Variants in ZDHHC14 observed in about 807,000 individuals in gnomAD.
ZDHHC14 encodes palmitoyltransferase ZDHHC14.
In ZDHHC14, 16 loss-of-function variants were observed where a neutral mutation model predicts 47.7. The observed-to-expected ratio is 0.34, with a 90% confidence interval of 0.23 to 0.51. The LOEUF is 0.51. ZDHHC14 is among the 20% of genes least tolerant of loss of function. The pLI is 0.97. For missense variants in ZDHHC14, 515 were observed against 662.5 expected (o/e 0.78, Z 2.44); for synonymous variants, 293 against 278.9 (o/e 1.05, Z -0.50).
At chr6:157,624,561 C>T (rs764688260) in intron 3 of ZDHHC14, among the ~76,000 whole-genome samples, 2 of 152,212 alleles carry the variant, frequency 1.3e-5, no homozygotes, top group African/African-American at 4.8e-5. Flanking sequence ...GTATTCCGAG[C>T]ACCTGATACA....
At position 157,579,907 on chromosome 6, in the gene ZDHHC14, G is replaced by A. The variant is rs183855965; in HGVS notation, c.407-13081G>A. ...TTCTTCCTCCTGACTGCTCTGGACA[G>A]GACTTCCAGTACTATGTTGAATAGG... On this transcript the variant is annotated intron_variant, in intron 2 of 8. Coordinates refer to ENST00000359775, the MANE Select transcript of ZDHHC14 (RefSeq NM_024630.3). Among the ~76,000 whole-genome samples the A allele has an allele frequency of 5.5e-4, 84 of 152,274 alleles. 1 individual carries two copies. Among genetic ancestry groups the A allele is most frequent in the Admixed American group, 5.4e-3 (83 of 15,302 alleles).
At chr6:157,419,496 C>G (rs761995924) in intron 1 of ZDHHC14, among the ~76,000 whole-genome samples, 6 of 152,338 alleles carry the variant, frequency 3.9e-5, no homozygotes, top group Middle Eastern at 3.4e-3. Context: ...CTGGCAACCA[C>G]TAGTCTTTTT....
chr6:157,658,782 G>A (rs1169989286), intron 8 of ZDHHC14, among the ~76,000 whole-genome samples: 1 of 152,152 alleles, frequency 6.6e-6, no homozygotes, highest in Non-Finnish European at 1.5e-5. Context: ...TTATTTTCTC[G>A]TGAAGTCTTT....
Position 157,381,476 on chromosome 6 carries a change from C to A in ZDHHC14, c.-546C>A. 1 of 363,614 alleles carries A rather than the reference C, an allele frequency of 2.8e-6. No individual in the cohort carries two copies. The highest frequency in any genetic ancestry group is 5.6e-6 in the Non-Finnish European group (1 of 179,338). The allele number at this position is 363,614 out of a possible 1,614,324, so 22.5% of individuals were successfully genotyped here. ...TGGGAGGGGTTGCCGGTGCCGCGCG[C>A]GGCCGCCCAGTCGCCAGCGCTCTCT... On this transcript the variant is annotated 5_prime_UTR_variant, in exon 1 of 9. Coordinates refer to ENST00000359775, the MANE Select transcript of ZDHHC14 (RefSeq NM_024630.3).
intron 4 of ZDHHC14, 107 bp downstream of exon 4, chr6:157,628,593 C>T: frequency 1.4e-6 from 2 of 1,430,226 alleles, no homozygotes; most frequent in South Asian, 2.7e-5. Context: ...TTTCTCTTTC[C>T]CTTTCTTTCT....
At chr6:157,568,513 CT>C (rs1782988297) in intron 2 of ZDHHC14, among the ~76,000 whole-genome samples, 1 of 152,112 alleles carries the variant, frequency 6.6e-6, no homozygotes, top group Non-Finnish European at 1.5e-5. Flanking sequence ...TAGTAATCCA[CT>C]GTATGATCAC....
chr6:157,596,021 C>G (rs1463353536), intron 3 of ZDHHC14, among the ~76,000 whole-genome samples: 1 of 152,102 alleles, frequency 6.6e-6, no homozygotes. Context: ...AGGGCCAGCT[C>G]CGTGGGGGAC....
intron 2 of ZDHHC14, among the ~76,000 whole-genome samples, chr6:157,568,110 T>C (rs1562485188): frequency 6.6e-6 from 1 of 152,176 alleles, no homozygotes; most frequent in Non-Finnish European, 1.5e-5. Flanking sequence ...GAACTTGCAT[T>C]TTTTTCCAAA....
chr6:157,392,433 G>A (rs1225077549), intron 1 of ZDHHC14, among the ~76,000 whole-genome samples: 1 of 151,850 alleles, frequency 6.6e-6, no homozygotes, highest in Non-Finnish European at 1.5e-5. Context: ...TACCTAATGT[G>A]TATACAGCCC....
chr6:157,611,889 G>A (rs1784763550), intron 3 of ZDHHC14, among the ~76,000 whole-genome samples: 1 of 152,058 alleles, frequency 6.6e-6, no homozygotes, highest in Non-Finnish European at 1.5e-5. Flanking sequence ...CCTGTGTCTT[G>A]CTCCTTTTGC....
chr6:157,402,899 A>T (rs963925324), intron 1 of ZDHHC14, among the ~76,000 whole-genome samples: 6 of 151,986 alleles, frequency 3.9e-5, no homozygotes, highest in South Asian at 2.1e-4. Context: ...GCTAGTTTTT[A>T]AATTTTTTTA....
intron 1 of ZDHHC14, among the ~76,000 whole-genome samples, chr6:157,520,650 G>T (rs1410130164): frequency 6.6e-6 from 1 of 152,176 alleles, no homozygotes; most frequent in Non-Finnish European, 1.5e-5. Flanking sequence ...GCTTCTTAAT[G>T]AATGTATAAA....
At chr6:157,464,461 A>G (rs549275089) in intron 1 of ZDHHC14, among the ~76,000 whole-genome samples, 87 of 152,302 alleles carry the variant, frequency 5.7e-4, no homozygotes, top group African/African-American at 1.9e-3. Context: ...TAGATATTCT[A>G]TTTCTTAGCT....
intron 1 of ZDHHC14, among the ~76,000 whole-genome samples, chr6:157,479,823 G>C (rs959125045): frequency 6.6e-6 from 1 of 152,254 alleles, no homozygotes; most frequent in African/African-American, 2.4e-5. Context: ...CCCAGAGAGA[G>C]CTGGAAGGCT....
At chr6:157,653,301 T>G (rs1777925144) in intron 7 of ZDHHC14, among the ~76,000 whole-genome samples, 1 of 152,168 alleles carries the variant, frequency 6.6e-6, no homozygotes, top group Admixed American at 6.5e-5. Flanking sequence ...CGACACGCCC[T>G]TGGCCTGGCG....
At chr6:157,529,314 T>C (rs9457707) in intron 1 of ZDHHC14, 94,086 of 153,672 alleles carry the variant, frequency 0.61, 30,152 homozygotes, top group African/African-American at 0.82. Flanking sequence ...AAAGTTTATG[T>C]TTTAGCATTG....
At chr6:157,465,775 C>T (rs1353831726) in intron 1 of ZDHHC14, among the ~76,000 whole-genome samples, 2 of 152,112 alleles carry the variant, frequency 1.3e-5, no homozygotes, top group Middle Eastern at 3.2e-3. Flanking sequence ...GGCGCGATAG[C>T]TTATGCCTGT....
chr6:157,382,399 CCT>C, intron 1 of ZDHHC14, 133 bp downstream of exon 1: 1 of 1,115,932 alleles, frequency 9.0e-7, no homozygotes, highest in Non-Finnish European at 1.3e-6. Flanking sequence ...GTCTGCGCTC[CCT>C]CTTTTTTCTT....
chr6:157,437,618 G>A (rs1046000116), intron 1 of ZDHHC14, among the ~76,000 whole-genome samples: 5 of 152,144 alleles, frequency 3.3e-5, no homozygotes, highest in Admixed American at 1.3e-4. Context: ...TCTCTCACAG[G>A]CTCAGTCTCT....
Sources: allele counts gnomAD v4.1 joint callset (sites outside exome capture counted in the v4.1 genomes callset), GRCh38; gene constraint gnomAD v4.1.1; transcripts MANE v1.5; gene names NCBI Gene and HGNC (gene_info 2026-07-23, HGNC 2026-07-21).